Variants in SUSD4 observed in about 807,000 individuals in gnomAD.
SUSD4 encodes the protein sushi domain containing 4.
In SUSD4, 41 loss-of-function variants were observed where a neutral mutation model predicts 50.5. The ratio of observed to expected loss-of-function variants is 0.81; its 90% confidence interval spans 0.63 to 1.05. The LOEUF (loss-of-function observed/expected upper bound fraction) is 1.05, where lower values mean the gene tolerates loss of function less well. Ranked by LOEUF, SUSD4 falls within the 50% of genes least tolerant of loss-of-function variation. The pLI is 0.00. For synonymous variants in SUSD4, 257 were observed against 257.3 expected (o/e 1.00, Z 0.01); for missense variants, 580 against 634.7 (o/e 0.91, Z 0.93).
chr1:223,313,946 C>T (rs188913409), intron 2 of SUSD4, among the ~76,000 whole-genome samples: 218 of 152,198 alleles, frequency 1.4e-3, no homozygotes, highest in Admixed American at 4.8e-3. Flanking sequence ...CACCCCTTCC[C>T]GGGAAAACTC....
chr1:223,281,257 T>C (rs984089729), intron 3 of SUSD4, among the ~76,000 whole-genome samples: 2 of 151,728 alleles, frequency 1.3e-5, no homozygotes, highest in Non-Finnish European at 2.9e-5. Context: ...CTGAAGGAAA[T>C]AGAGGCACAA....
Position 223,227,045 on chromosome 1 carries a change from C to A in SUSD4, c.1061+549G>T, listed in dbSNP as rs1571828566. Among the ~76,000 whole-genome samples the A allele has an allele frequency of 6.6e-6, 1 of 152,154 alleles. No homozygotes were observed. Among genetic ancestry groups the A allele is most frequent in the South Asian group, 2.1e-4 (1 of 4,826 alleles). Reference sequence around the variant, plus strand: ...GCTCAGAAGGATGTAGAAGCGCCTTCCACATGTCCCACTCCAGGGGTTCAG... The same window carrying A: ...GCTCAGAAGGATGTAGAAGCGCCTTACACATGTCCCACTCCAGGGGTTCAG... On this transcript the variant is annotated intron_variant, in intron 7 of 8. Transcript: ENST00000366878. This position sits in a 1 kb window ranked among gnomAD's most constrained non-coding sequence, Gnocchi z 4.5.
intron 7 of SUSD4, among the ~76,000 whole-genome samples, chr1:223,224,295 C>T (rs1467566665): frequency 6.6e-6 from 1 of 152,162 alleles, no homozygotes; most frequent in East Asian, 1.9e-4. Flanking sequence ...CATGATCGCA[C>T]CACTGCACTC....
At chr1:223,248,939 G>A (rs1370318387) in intron 5 of SUSD4, among the ~76,000 whole-genome samples, 1 of 152,222 alleles carries the variant, frequency 6.6e-6, no homozygotes, top group African/African-American at 2.4e-5. Context: ...AGGTGAGGGA[G>A]CAGGTGCAAA....
intron 5 of SUSD4, among the ~76,000 whole-genome samples, chr1:223,253,669 T>C (rs1250328708): frequency 6.6e-6 from 1 of 152,194 alleles, no homozygotes; most frequent in African/African-American, 2.4e-5. Context: ...TTACCTTCTG[T>C]GTTCCACCTG....
rs1167873934 is a variant in SUSD4, at chr1:223,332,532, G to C, written c.148+30746C>G. 1.3e-5 allele frequency among the ~76,000 whole-genome samples: 2 copies of C among 152,176 alleles called. No homozygotes were observed. The highest frequency in any genetic ancestry group is 4.8e-5 in the African/African-American group (2 of 41,436). On this transcript the variant is annotated intron_variant, in intron 2 of 8. Coordinates refer to ENST00000366878, the MANE Select transcript of SUSD4 (RefSeq NM_017982.4). The surrounding 1 kb of genome is among the most constrained non-coding windows in gnomAD (Gnocchi z 4.0). ...AGATATATAAAGTTTCTTAGGATCT[G>C]TCCATTTAAACTAGAAGTCGTTAGC...
chr1:223,262,569 G>A (rs1200363274), intron 5 of SUSD4, among the ~76,000 whole-genome samples: 8 of 152,158 alleles, frequency 5.3e-5, no homozygotes, highest in Non-Finnish European at 1.2e-4. Context: ...AGGCACATCT[G>A]GATAACTTGT....
chr1:223,224,833 AT>A (rs1659393031), intron 7 of SUSD4, among the ~76,000 whole-genome samples: 1 of 150,698 alleles, frequency 6.6e-6, no homozygotes, highest in Non-Finnish European at 1.5e-5. Context: ...AGGGTGGCTA[AT>A]AAGTAGCCAA....
chr1:223,360,395 C>T (rs866638566), intron 2 of SUSD4: 1 of 340,770 alleles, frequency 2.9e-6, no homozygotes, highest in African/African-American at 2.2e-5. Context: ...CCCCACCAAC[C>T]TAATATGAGT....
chr1:223,340,596 TC>T (rs1490499490), intron 2 of SUSD4, among the ~76,000 whole-genome samples: 1 of 152,198 alleles, frequency 6.6e-6, no homozygotes, highest in Non-Finnish European at 1.5e-5. Context: ...GCAGCTTCTG[TC>T]CGCAGTCATG....
intron 3 of SUSD4, among the ~76,000 whole-genome samples, chr1:223,281,587 C>A (rs1334637179): frequency 2.6e-5 from 4 of 152,130 alleles, no homozygotes; most frequent in Non-Finnish European, 5.9e-5. Flanking sequence ...GAAATTGAGG[C>A]AATAATTAAT....
At chr1:223,264,104 A>G in intron 5 of SUSD4, 2 of 985,368 alleles carry the variant, frequency 2.0e-6, no homozygotes, top group Non-Finnish European at 2.4e-6. Context: ...ACTTCATACT[A>G]CTGATTAGTG....
intron 3 of SUSD4, among the ~76,000 whole-genome samples, chr1:223,273,966 C>T (rs1663090252): frequency 6.6e-6 from 1 of 152,114 alleles, no homozygotes; most frequent in Admixed American, 6.5e-5. Flanking sequence ...AGTCTGAGTT[C>T]CTGAGTCCTA....
In SUSD4 at chr1:223,348,144, G is replaced by A. The variant is rs181846937; in HGVS notation, c.148+15134C>T. On this transcript the variant is annotated intron_variant, in intron 2 of 8. Transcript: ENST00000366878. ...TTGTTCATATGCAACTAAACCATCC[G>A]TTTAGAACACTAGAAGCAGTAGCAT... Among the ~76,000 whole-genome samples, 305 of 151,960 alleles carry A rather than the reference G, an allele frequency of 2.0e-3. 1 individual carries two copies. The highest frequency in any genetic ancestry group is 7.5e-3 in the East Asian group (39 of 5,180).
chr1:223,233,031 C>T (rs1659995663), intron 5 of SUSD4, among the ~76,000 whole-genome samples: 1 of 152,220 alleles, frequency 6.6e-6, no homozygotes, highest in South Asian at 2.1e-4. Context: ...CCTTCCCGTA[C>T]TGGGGCACTA....
At chr1:223,224,440 A>G (rs1222918614) in intron 7 of SUSD4, among the ~76,000 whole-genome samples, 2 of 152,320 alleles carry the variant, frequency 1.3e-5, no homozygotes, top group East Asian at 3.9e-4. Context: ...TGTTTTCTGC[A>G]TTCAGTATAA....
At chr1:223,230,618 T>C (rs1659832807) in intron 5 of SUSD4, 1 of 152,186 alleles carries the variant, frequency 6.6e-6, no homozygotes, top group Admixed American at 6.5e-5. Flanking sequence ...TCCCGATGCG[T>C]GTGAAGCAGG....
chr1:223,323,564 T>C (rs1666710519), intron 2 of SUSD4, among the ~76,000 whole-genome samples: 1 of 151,912 alleles, frequency 6.6e-6, no homozygotes, highest in Non-Finnish European at 1.5e-5. Flanking sequence ...GAGACAGGGA[T>C]GGGGGCTTCA....
At chr1:223,361,922 G>C (rs927788332) in intron 2 of SUSD4, among the ~76,000 whole-genome samples, 1 of 152,326 alleles carries the variant, frequency 6.6e-6, no homozygotes, top group Non-Finnish European at 1.5e-5. Flanking sequence ...CCAGAGCCCT[G>C]GCAGGGCACA....
Sources: gnomAD v4.1 joint callset for allele counts (sites outside exome capture counted in the v4.1 genomes callset) on GRCh38, gnomAD v4.1.1 for gene constraint, Gnocchi (gnomAD v3.1) non-coding constraint, MANE v1.5 for transcripts, NCBI Gene and HGNC (gene_info 2026-07-23, HGNC 2026-07-21) for gene names.